Variants in TPST1 observed in about 807,000 individuals in gnomAD.
The protein encoded by TPST1 is protein-tyrosine sulfotransferase 1.
TPST1 carries 20 observed loss-of-function variants against 34.8 expected under a neutral mutation model. The observed-to-expected ratio is 0.57, with a 90% confidence interval of 0.40 to 0.84. TPST1 has a LOEUF of 0.84. Among genes scored for constraint, TPST1 ranks in the 40% least tolerant of loss-of-function variants. TPST1 has a pLI of 0.00. For synonymous variants in TPST1, 152 were observed against 159.4 expected (o/e 0.95, Z 0.35); for missense variants, 353 against 455.5 (o/e 0.78, Z 2.05).
rs759718532 is a variant in TPST1 at position 66,241,066 on chromosome 7, A to C, written c.641A>C (p.Lys214Thr). 1 of 1,614,098 alleles carries C rather than the reference A, an allele frequency of 6.2e-7. No individual in the cohort carries two copies. The highest frequency in any genetic ancestry group is 1.3e-5 in the African/African-American group (1 of 74,930). The change falls in exon 2 of 6, where the codon AAG becomes ACG. Residue 214 changes from lysine to threonine, a missense_variant. Transcript: ENST00000304842. ...DLNSYRDCLT[K>T]WNRAIETMYN... is the part of the protein sequence containing the mutation. ...AACAGCTATAGGGACTGTTTGACAAAGTGGAATCGTGCTATAGAGACCATG... is the reference window on the plus strand; with the variant it reads ...AACAGCTATAGGGACTGTTTGACAACGTGGAATCGTGCTATAGAGACCATG...
At chr7:66,239,150 CCTCT>C (rs1789973023) in intron 1 of TPST1, among the ~76,000 whole-genome samples, 2 of 152,190 alleles carry the variant, frequency 1.3e-5, no homozygotes, top group Non-Finnish European at 2.9e-5. Context: ...AATATCCCTC[CCTCT>C]GTCTTTTCTT....
chr7:66,199,178 C>T, the TPST1 span, among the ~76,000 whole-genome samples: 45 of 152,140 alleles, frequency 3.0e-4, no homozygotes, highest in Non-Finnish European at 5.7e-4. Context: ...CCTTCTTTGA[C>T]AATTGCAGTG....
chr7:66,215,889 C>T (rs1476241538), intron 1 of TPST1, among the ~76,000 whole-genome samples: 3 of 151,168 alleles, frequency 2.0e-5, no homozygotes, highest in African/African-American at 4.9e-5. Context: ...TCTCCTGCCT[C>T]GGCCTCCCAA....
chr7:66,238,496 G>T (rs2116392415), intron 1 of TPST1, among the ~76,000 whole-genome samples: 1 of 151,114 alleles, frequency 6.6e-6, no homozygotes, highest in African/African-American at 2.4e-5. Flanking sequence ...GCGTTAGTGA[G>T]ACCTGGCCTG....
intron 3 of TPST1, among the ~76,000 whole-genome samples, chr7:66,301,079 G>A (rs1410537068): frequency 1.3e-5 from 2 of 152,176 alleles, no homozygotes; most frequent in Non-Finnish European, 2.9e-5. Context: ...CAGAACTCAT[G>A]GGTGACAAGG....
At chr7:66,233,519 G>A (rs935458786) in intron 1 of TPST1, among the ~76,000 whole-genome samples, 1 of 152,056 alleles carries the variant, frequency 6.6e-6, no homozygotes, top group South Asian at 2.1e-4. Context: ...CATAAACATC[G>A]TATTTCCAGA....
At chr7:66,217,357 T>A (rs1789444803) in intron 1 of TPST1, among the ~76,000 whole-genome samples, 1 of 152,196 alleles carries the variant, frequency 6.6e-6, no homozygotes, top group African/African-American at 2.4e-5. Context: ...GCTTCATGTA[T>A]TTTAGGGCTC....
At chr7:66,354,235 G>C (rs1792537190) in intron 4 of TPST1, among the ~76,000 whole-genome samples, 1 of 152,160 alleles carries the variant, frequency 6.6e-6, no homozygotes, top group South Asian at 2.1e-4. Flanking sequence ...AACCTGGGCA[G>C]ATTCATGAAC....
At chr7:66,346,194 T>C (rs973837644) in intron 3 of TPST1, among the ~76,000 whole-genome samples, 4 of 151,950 alleles carry the variant, frequency 2.6e-5, no homozygotes, top group African/African-American at 7.2e-5. Context: ...CATATATATA[T>C]ATATATATAA....
intron 3 of TPST1, among the ~76,000 whole-genome samples, chr7:66,314,429 T>C (rs1267662897): frequency 6.6e-6 from 1 of 152,110 alleles, no homozygotes; most frequent in Non-Finnish European, 1.5e-5. Flanking sequence ...GGGAGGATTG[T>C]CTGAGCCCAG....
chr7:66,271,825 A>AT (rs201104511), intron 2 of TPST1, among the ~76,000 whole-genome samples: 106 of 148,052 alleles, frequency 7.2e-4, no homozygotes, highest in East Asian at 3.7e-3. Flanking sequence ...ACATTTTAGG[A>AT]TTTTTTTTTT....
chr7:66,235,761 T>G (rs796394758), intron 1 of TPST1, among the ~76,000 whole-genome samples: 23 of 152,274 alleles, frequency 1.5e-4, no homozygotes, highest in African/African-American at 5.5e-4. Context: ...TTATACATTT[T>G]AGGGAGACAT....
intron 3 of TPST1, among the ~76,000 whole-genome samples, chr7:66,349,421 A>G (rs1401054691): frequency 6.6e-6 from 1 of 152,048 alleles, no homozygotes; most frequent in Admixed American, 6.6e-5. Context: ...AAATTCAAAA[A>G]AGTAGCCAGG....
intron 1 of TPST1, among the ~76,000 whole-genome samples, chr7:66,238,627 G>T (rs950746343): frequency 1.3e-5 from 2 of 152,062 alleles, no homozygotes; most frequent in Admixed American, 6.6e-5. Flanking sequence ...CCTGTTAGAT[G>T]AGGCCTTCCT....
At chr7:66,355,028 A>G (rs889575474) in intron 4 of TPST1, among the ~76,000 whole-genome samples, 5 of 152,176 alleles carry the variant, frequency 3.3e-5, no homozygotes, top group East Asian at 1.9e-4. Flanking sequence ...CTTTATGACC[A>G]TAAGAGGACA....
In TPST1 at chr7:66,257,226, G is replaced by T. The variant is rs571450609; in HGVS notation, c.845+15956G>T. Among the ~76,000 whole-genome samples, 4 of 152,282 alleles carry T rather than the reference G, an allele frequency of 2.6e-5. No homozygotes were observed. In the South Asian group the frequency reaches 6.2e-4, roughly 24 times the overall value. ...TTACAGGTGTGAGCCACTGCACCTG[G>T]CCAAAGTTTTTAAAATACAGTTCCT... On this transcript the variant is annotated intron_variant, in intron 2 of 5. Transcript: ENST00000304842.
At chr7:66,225,561 G>A (rs1216071589) in intron 1 of TPST1, among the ~76,000 whole-genome samples, 14 of 151,986 alleles carry the variant, frequency 9.2e-5, no homozygotes, top group Non-Finnish European at 1.0e-4. Flanking sequence ...GCAGTGAGCC[G>A]AGATTGTGCC....
At chr7:66,317,724 T>C (rs759930976) in intron 3 of TPST1, among the ~76,000 whole-genome samples, 15 of 152,216 alleles carry the variant, frequency 9.9e-5, no homozygotes, top group Admixed American at 5.2e-4. Flanking sequence ...TTTAAAACTA[T>C]ATTTTCAAAT....
At chr7:66,302,091 T>G (rs1791329530) in intron 3 of TPST1, among the ~76,000 whole-genome samples, 1 of 152,222 alleles carries the variant, frequency 6.6e-6, no homozygotes, top group Admixed American at 6.5e-5. Flanking sequence ...TAGGTAATAC[T>G]TTTTGTTTTA....
Sources: allele counts gnomAD v4.1 joint callset (sites outside exome capture counted in the v4.1 genomes callset), GRCh38; gene constraint gnomAD v4.1.1; transcripts MANE v1.5; gene names NCBI Gene and HGNC (gene_info 2026-07-23, HGNC 2026-07-21).